PIGU: variants seen among roughly 807,000 people sequenced by gnomAD.
PIGU encodes GPI-anchor transamidase component PIGU.
PIGU carries 24 observed loss-of-function variants against 49.9 expected under a neutral mutation model. The observed-to-expected ratio is 0.48, with a 90% CI of 0.35 to 0.68. PIGU has a LOEUF of 0.68. Among genes scored for constraint, PIGU ranks in the 30% least tolerant of loss-of-function variants. The pLI is 0.01. For missense variants in PIGU, 490 were observed against 532.6 expected (o/e 0.92, Z 0.79); for synonymous variants, 220 against 205.7 (o/e 1.07, Z -0.59).
chr20:34,613,643 T>A (rs575098019), intron 7 of PIGU, among the ~76,000 whole-genome samples: 1 of 152,216 alleles, frequency 6.6e-6, no homozygotes, highest in South Asian at 2.1e-4. Flanking sequence ...GCTATATATA[T>A]TCTTAGTGCT....
Position 34,581,441 on chromosome 20 carries a change from G to C in PIGU, c.1051+107C>G. 1.4e-6 allele frequency: 2 copies of C among 1,430,948 alleles called. 1 individual carries two copies. 88.6% of individuals were successfully genotyped at this position (1,430,948 alleles called of 1,614,324 possible). ...ATGCCTCTGCTCCCCTCCTAGTGCT[G>C]CCAGCATAACAGGTGCCTGGTAAAT... On this transcript the variant is annotated intron_variant, in intron 10 of 11. Transcript: ENST00000217446.
intron 1 of PIGU, among the ~76,000 whole-genome samples, chr20:34,669,889 AAC>A (rs1987252623): frequency 6.6e-6 from 1 of 152,138 alleles, no homozygotes; most frequent in Non-Finnish European, 1.5e-5. Context: ...AGAGATTGAA[AAC>A]ACAAACAAAA....
At chr20:34,640,537 C>CACACACACA (rs1555801709) in intron 4 of PIGU, among the ~76,000 whole-genome samples, 12 of 35,360 alleles carry the variant, frequency 3.4e-4, no homozygotes, top group African/African-American at 5.2e-4. Context: ...ACACACACAC[C>CACACACACA]CCTTAAGAAA....
At chr20:34,594,354 C>T (rs746285031) in intron 7 of PIGU, among the ~76,000 whole-genome samples, 18 of 152,072 alleles carry the variant, frequency 1.2e-4, no homozygotes, top group South Asian at 2.1e-4. Flanking sequence ...CACTGGAGAG[C>T]GGCTGAATAA....
chr20:34,588,410 T>G, intron 8 of PIGU, 43 bp downstream of exon 8: 1 of 1,571,830 alleles, frequency 6.4e-7, no homozygotes, highest in Non-Finnish European at 8.7e-7. Flanking sequence ...GGGTTCCCTT[T>G]TCCCCACAGC....
chr20:34,578,792 T>C (rs757797676), intron 10 of PIGU, among the ~76,000 whole-genome samples: 1 of 152,168 alleles, frequency 6.6e-6, no homozygotes, highest in Non-Finnish European at 1.5e-5. Context: ...GCTGGAGACC[T>C]GGGGTACGGG....
chr20:34,569,625 C>T (rs1183926322), intron 11 of PIGU, among the ~76,000 whole-genome samples: 1 of 152,176 alleles, frequency 6.6e-6, no homozygotes, highest in African/African-American at 2.4e-5. Flanking sequence ...AGGCCAGCTA[C>T]TGGGATACAA....
intron 2 of PIGU, among the ~76,000 whole-genome samples, chr20:34,655,621 C>A (rs1986677884): frequency 2.5e-5 from 3 of 120,850 alleles, no homozygotes; most frequent in Admixed American, 1.1e-4. Flanking sequence ...TTGCAGTGAG[C>A]CAAGATCGTG....
rs1174465086 is a variant in PIGU, at chr20:34,595,968, CT to C, written c.628-7362del. ...TAGTGCTCGCCTGTAATCCAAGCTA[CT>C]TGGCAGGCTGAGGCAAGAGGACTGC... On this transcript the variant is annotated intron_variant, in intron 7 of 11. Coordinates refer to ENST00000217446, the MANE Select transcript of PIGU (RefSeq NM_080476.5). 2.6e-5 allele frequency among the ~76,000 whole-genome samples: 4 copies of C among 152,166 alleles called. No homozygotes were observed. The East Asian group carries it at 7.7e-4, about 29-fold the overall frequency.
intron 10 of PIGU, 119 bp from the exon 11 acceptor site, chr20:34,575,365 G>A (rs1983183293): frequency 1.6e-6 from 2 of 1,261,746 alleles, no homozygotes; most frequent in Non-Finnish European, 2.2e-6. Context: ...CAAAGGCAGA[G>A]CACCCCCAGA....
chr20:34,605,902 C>G (rs1230543041), intron 7 of PIGU, among the ~76,000 whole-genome samples: 1 of 152,132 alleles, frequency 6.6e-6, no homozygotes, highest in Non-Finnish European at 1.5e-5. Context: ...CTTCTGCACA[C>G]AGTTGTGCAA....
intron 1 of PIGU, among the ~76,000 whole-genome samples, chr20:34,666,117 C>T (rs556247587): frequency 3.3e-5 from 5 of 151,888 alleles, no homozygotes; most frequent in East Asian, 1.9e-4. Context: ...ACCCAGAATG[C>T]GGAGGTTGTA....
intron 11 of PIGU, among the ~76,000 whole-genome samples, chr20:34,573,202 T>C (rs962998862): frequency 2.0e-5 from 3 of 152,020 alleles, no homozygotes; most frequent in Non-Finnish European, 4.4e-5. Context: ...CAATAATGAA[T>C]TCATGTATTA....
In PIGU at chr20:34,560,819, T is replaced by TG. The variant is rs763634932; in HGVS notation, c.*46dup. ...TGGCTGGAGGGCTTGGCCCAGCTTC[T>TG]GGCCCCACAGCCCCCTGAGGTCCAT... On this transcript the variant is annotated 3_prime_UTR_variant, in exon 12 of 12. Transcript: ENST00000217446. 1.4e-6 allele frequency: 2 copies of TG among 1,397,298 alleles called. No individual in the cohort carries two copies. The highest frequency in any genetic ancestry group is 2.9e-5 in the African/African-American group (2 of 68,562). 86.6% of individuals were successfully genotyped at this position (1,397,298 alleles called of 1,614,324 possible). A position where few individuals can be genotyped will look rare whatever the true frequency, so the allele number is the denominator to read the frequency against.
At chr20:34,564,070 G>C (rs887855554) in intron 11 of PIGU, among the ~76,000 whole-genome samples, 5 of 152,278 alleles carry the variant, frequency 3.3e-5, no homozygotes, top group South Asian at 2.1e-4. Flanking sequence ...AGTCAGAAAA[G>C]ACTAAGAAGA....
chr20:34,616,177 C>T (rs1466091078), intron 6 of PIGU, 38 bp from the exon 7 acceptor site: 1 of 1,602,730 alleles, frequency 6.2e-7, no homozygotes, highest in African/African-American at 1.3e-5. Context: ...AATCCAGCCT[C>T]ATCAATCATG....
chr20:34,620,799 TA>T (rs1287373335), intron 6 of PIGU, among the ~76,000 whole-genome samples: 3 of 55,372 alleles, frequency 5.4e-5, no homozygotes, highest in East Asian at 4.6e-4. Flanking sequence ...AGACTCCACC[TA>T]AAAAAAAACA....
intron 2 of PIGU, among the ~76,000 whole-genome samples, chr20:34,656,907 G>A (rs780843241): frequency 6.6e-6 from 1 of 152,136 alleles, no homozygotes; most frequent in Non-Finnish European, 1.5e-5. Context: ...CCTATTTGCG[G>A]ACTAAGGACT....
At chr20:34,583,887 A>C (rs1983587811) in intron 9 of PIGU, among the ~76,000 whole-genome samples, 1 of 152,188 alleles carries the variant, frequency 6.6e-6, no homozygotes, top group Non-Finnish European at 1.5e-5. Context: ...GACCATGGAG[A>C]ATGGCAGGAA....
Sources: allele counts gnomAD v4.1 joint callset (sites outside exome capture counted in the v4.1 genomes callset), GRCh38; gene constraint gnomAD v4.1.1; transcripts MANE v1.5; gene names NCBI Gene and HGNC (gene_info 2026-07-23, HGNC 2026-07-21).